The following PRELID2 variants were observed in gnomAD, a reference collection of about 807,000 sequenced individuals.
PRELID2 encodes the protein PRELI domain containing 2.
A neutral mutation model predicts 28.4 loss-of-function variants in PRELID2; 25 were observed. The ratio of observed to expected loss-of-function variants is 0.88; its 90% CI spans 0.64 to 1.23. The LOEUF is 1.23. Ranked by LOEUF, PRELID2 falls within the 50% of genes most tolerant of loss-of-function variation. The pLI is 0.00. For missense variants in PRELID2, 201 were observed against 214.4 expected (o/e 0.94, Z 0.39); for synonymous variants, 76 against 71.6 (o/e 1.06, Z -0.31).
At chr5:145,497,060 C>T (rs1254475071) in intron 1 of PRELID2, among the ~76,000 whole-genome samples, 10 of 151,634 alleles carry the variant, frequency 6.6e-5, no homozygotes, top group Non-Finnish European at 1.2e-4. Flanking sequence ...TACAGGGTCT[C>T]GCTACATTGC....
chr5:145,744,693 A>G (rs1756941269), intron 1 of PRELID2, among the ~76,000 whole-genome samples: 1 of 151,856 alleles, frequency 6.6e-6, no homozygotes, highest in South Asian at 2.1e-4. Flanking sequence ...CCGCACAAAA[A>G]CCCTACCCAA....
intron 1 of PRELID2, among the ~76,000 whole-genome samples, chr5:145,638,320 G>A (rs1754037746): frequency 6.6e-6 from 1 of 152,124 alleles, no homozygotes; most frequent in Admixed American, 6.5e-5. Context: ...TTATTTATGT[G>A]ATAATGATAT....
intron 1 of PRELID2, among the ~76,000 whole-genome samples, chr5:145,540,381 C>A (rs183885291): frequency 3.9e-4 from 59 of 152,044 alleles, no homozygotes; most frequent in African/African-American, 1.3e-3. Context: ...GTAATACTTA[C>A]ACTAGTATAC....
At chr5:145,263,076 T>TA in the PRELID2 span, among the ~76,000 whole-genome samples, 24 of 151,966 alleles carry the variant, frequency 1.6e-4, no homozygotes, top group African/African-American at 5.3e-4. Flanking sequence ...TAACAGCAGT[T>TA]AAAAAAGACA....
chr5:145,496,001 A>T (rs1273756749), intron 1 of PRELID2, among the ~76,000 whole-genome samples: 2 of 152,180 alleles, frequency 1.3e-5, no homozygotes, highest in African/African-American at 4.8e-5. Flanking sequence ...TCACAGCTTT[A>T]GCTCAGATAC....
At chr5:145,802,035 C>T (rs1753173953) in intron 4 of PRELID2, among the ~76,000 whole-genome samples, 1 of 152,224 alleles carries the variant, frequency 6.6e-6, no homozygotes. Context: ...TAAGCACACA[C>T]TGATCATGTC....
chr5:145,269,578 G>A, the PRELID2 span, among the ~76,000 whole-genome samples: 1 of 151,642 alleles, frequency 6.6e-6, no homozygotes, highest in East Asian at 1.9e-4. Context: ...CTTGAGGTGG[G>A]CAAAATTTTT....
chr5:145,714,766 CTTAACAG>C (rs918212856), intron 1 of PRELID2, among the ~76,000 whole-genome samples: 7 of 152,246 alleles, frequency 4.6e-5, no homozygotes, highest in Admixed American at 2.6e-4. Flanking sequence ...TCAATAAGCA[CTTAACAG>C]TTAACTCGCC....
At chr5:145,431,431 G>A in the PRELID2 span, among the ~76,000 whole-genome samples, 5,569 of 152,170 alleles carry the variant, frequency 0.037, 233 homozygotes, top group East Asian at 0.23. Flanking sequence ...TACATAGTTT[G>A]AAAGTTTTTC....
In PRELID2 at chr5:145,796,551, CAA is replaced by C; in HGVS notation, c.369-6_369-5del. The C allele has an allele frequency of 6.5e-7, 1 of 1,544,378 alleles. No individual in the cohort carries two copies. The highest frequency in any genetic ancestry group is 8.8e-7 in the Non-Finnish European group (1 of 1,138,860). On this transcript the variant is annotated splice_polypyrimidine_tract_variant and splice_region_variant and intron_variant, in intron 4 of 6. Transcript: ENST00000683046. ...GCCTCTTTGAATGAACTCTGTCCTG[CAA>C]AAAAAACAAAAAACACATCTTTGAT...
At chr5:145,542,075 T>C (rs188160610) in intron 1 of PRELID2, among the ~76,000 whole-genome samples, 2 of 152,200 alleles carry the variant, frequency 1.3e-5, no homozygotes, top group African/African-American at 4.8e-5. Flanking sequence ...GAAGGACATA[T>C]ACCAAGTGGG....
intron 1 of PRELID2, among the ~76,000 whole-genome samples, chr5:145,487,852 G>A (rs750264189): frequency 4.6e-5 from 7 of 151,694 alleles, no homozygotes; most frequent in South Asian, 4.2e-4. Flanking sequence ...GAGGCCGGGC[G>A]CGTGGCTCAT....
chr5:145,639,427 A>G (rs1754057878), intron 1 of PRELID2, among the ~76,000 whole-genome samples: 1 of 152,210 alleles, frequency 6.6e-6, no homozygotes, highest in East Asian at 1.9e-4. Context: ...GCCATCTGGA[A>G]TCTTCTTATT....
intron 1 of PRELID2, among the ~76,000 whole-genome samples, chr5:145,691,505 A>G (rs942736989): frequency 6.6e-6 from 1 of 152,100 alleles, no homozygotes; most frequent in Admixed American, 6.5e-5. Context: ...GGAGATCGAG[A>G]CCATCCTGGG....
At chr5:145,663,455 G>A (rs920476502) in intron 1 of PRELID2, among the ~76,000 whole-genome samples, 3 of 152,112 alleles carry the variant, frequency 2.0e-5, no homozygotes, top group Non-Finnish European at 4.4e-5. Flanking sequence ...CAGTTTTGTG[G>A]TACAAGCTGT....
intron 1 of PRELID2, among the ~76,000 whole-genome samples, chr5:145,713,256 C>T (rs543084576): frequency 1.3e-5 from 2 of 149,144 alleles, no homozygotes; most frequent in Non-Finnish European, 3.0e-5. Context: ...CTACTAAAAG[C>T]CAAAGATATA....
chr5:145,805,395 G>A (rs1328493975), intron 4 of PRELID2, among the ~76,000 whole-genome samples: 3 of 152,188 alleles, frequency 2.0e-5, no homozygotes, highest in Non-Finnish European at 4.4e-5. Context: ...GCTGCCAGCT[G>A]TATGTATGCT....
intron 1 of PRELID2, among the ~76,000 whole-genome samples, chr5:145,690,312 C>T (rs1054083100): frequency 6.6e-6 from 1 of 152,112 alleles, no homozygotes; most frequent in Admixed American, 6.6e-5. Context: ...TCTTCCCTAA[C>T]CCTTCATGCT....
chr5:145,675,957 A>T (rs973096886), intron 1 of PRELID2, among the ~76,000 whole-genome samples: 3 of 152,242 alleles, frequency 2.0e-5, no homozygotes, highest in Non-Finnish European at 4.4e-5. Context: ...GCAGTGGCTC[A>T]CGCCTGTAAT....
Sources: allele counts gnomAD v4.1 joint callset (sites outside exome capture counted in the v4.1 genomes callset), GRCh38; gene constraint gnomAD v4.1.1; transcripts MANE v1.5; gene names NCBI Gene and HGNC (gene_info 2026-07-23, HGNC 2026-07-21).